The following ITIH4 variants were observed in gnomAD, a reference collection of about 807,000 sequenced individuals.
ITIH4 encodes inter-alpha-trypsin inhibitor heavy chain H4.
Under a neutral mutation model 111.8 loss-of-function variants are expected in ITIH4, and 79 were observed. The ratio of observed to expected loss-of-function variants is 0.71; its 90% CI spans 0.59 to 0.85. ITIH4 has a LOEUF of 0.85. ITIH4 is among the 40% of genes least tolerant of loss of function. The pLI, the probability that ITIH4 is intolerant of heterozygous loss-of-function variation, is 0.00. For synonymous variants in ITIH4, 472 were observed against 468.3 expected (o/e 1.01, Z -0.10); for missense variants, 1,065 against 1,195.8 (o/e 0.89, Z 1.61).
chr3:52,828,602 G>C (rs1358804884), intron 2 of ITIH4, among the ~76,000 whole-genome samples: 1 of 152,190 alleles, frequency 6.6e-6, no homozygotes, highest in Non-Finnish European at 1.5e-5. Flanking sequence ...AGAGGACAAA[G>C]TGAGGACCAT....
rs1274649574 is a variant in ITIH4, at chr3:52,823,958, T to A, written c.1218A>T (p.Val406=). ...RSIQNNVREA[V]SGRYSLFCLG... is the part of the protein sequence containing the mutation. ...GGCAGAAGAGGCTGTACCGGCCACT[T>A]ACAGCTTCCCGCACGTTATTCTGGA... is the stretch of plus-strand genomic sequence containing the variant. Residue 406 remains valine (V), a synonymous_variant, in exon 10 of 24, where the codon GTA becomes GTT. Transcript: ENST00000266041. The A allele has an allele frequency of 3.1e-6, 5 of 1,594,038 alleles. No homozygotes were observed. In the East Asian group the frequency reaches 1.1e-4, roughly 36 times the overall value.
In ITIH4 at chr3:52,818,049, C is replaced by A; in HGVS notation, c.2296+3G>T. 6.2e-7 allele frequency: 1 copy of A among 1,610,162 alleles called. No homozygotes were observed. The highest frequency in any genetic ancestry group is 1.1e-5 in the South Asian group (1 of 90,946). On this transcript the variant is annotated splice_donor_region_variant and intron_variant, in intron 20 of 23. Transcript: ENST00000266041. ...TGGGTCTCTCTGGGTGTGCCTCTCT[C>A]ACCTTGCTCAGGGTCTGAGAGCAGG... is the stretch of plus-strand genomic sequence containing the variant.
chr3:52,827,420 G>GTC (rs1235667064), intron 2 of ITIH4, among the ~76,000 whole-genome samples: 9 of 152,250 alleles, frequency 5.9e-5, no homozygotes, highest in Non-Finnish European at 1.2e-4. Context: ...GGTGTGTACA[G>GTC]TAACAGTAAG....
chr3:52,817,728 G>A (rs561428056), intron 20 of ITIH4, among the ~76,000 whole-genome samples: 1 of 152,254 alleles, frequency 6.6e-6, no homozygotes, highest in East Asian at 1.9e-4. Context: ...CTGTGCACCC[G>A]CCATGGCCCT....
At chr3:52,825,843 A>G (rs201262066) in intron 6 of ITIH4, 43 bp downstream of exon 6, 1 of 1,586,050 alleles carries the variant, frequency 6.3e-7, no homozygotes, top group East Asian at 2.3e-5. Flanking sequence ...TTGGGGGTGG[A>G]CAGACTTCTA....
At chr3:52,827,427 T>TA (rs1198663742) in intron 2 of ITIH4, among the ~76,000 whole-genome samples, 9 of 152,210 alleles carry the variant, frequency 5.9e-5, no homozygotes, top group Non-Finnish European at 1.3e-4. Context: ...ACAGTAACAG[T>TA]AAGCATTCAT....
chr3:52,823,438 T>C (rs1700421719), intron 11 of ITIH4, 118 bp downstream of exon 11: 1 of 776,814 alleles, frequency 1.3e-6, no homozygotes, highest in East Asian at 2.7e-5. Flanking sequence ...CCCTGTGTCA[T>C]CCACAGGCAG....
intron 20 of ITIH4, 98 bp downstream of exon 20, chr3:52,817,954 T>C: frequency 1.1e-6 from 1 of 909,676 alleles, no homozygotes; most frequent in South Asian, 1.4e-5. Context: ...GGGAGGGGCC[T>C]GTGTGGGGCC....
intron 1 of ITIH4, 25 bp downstream of exon 1, chr3:52,830,528 C>A: frequency 6.2e-7 from 1 of 1,606,684 alleles, no homozygotes; most frequent in Non-Finnish European, 8.5e-7. Context: ...CCCCAGCTCA[C>A]GCCACACCCA....
Position 52,819,460 on chromosome 3 carries a change from A to G in ITIH4, c.2010T>C (p.Leu670=), listed in dbSNP as rs759101949. 6.2e-7 allele frequency: 1 copy of G among 1,614,120 alleles called. No individual in the cohort carries two copies. Among genetic ancestry groups the G allele is most frequent in the South Asian group, 1.1e-5 (1 of 91,074 alleles). ...GAACATCAGGAGGTCCTGGGAGTCC[A>G]AGTTGCCTGGAGCTGAGAACCCCAG... ...FRPGVLSSRQ[L]GLPGPPDVPD... The change falls in exon 17 of 24, where the codon CTT becomes CTC. Residue 670 remains leucine, a synonymous_variant. Transcript: ENST00000266041.
At position 52,819,922 on chromosome 3, in the gene ITIH4, C is replaced by T. The variant is rs78150596; in HGVS notation, c.1912+18G>A. On this transcript the variant is annotated intron_variant, in intron 15 of 23. Transcript: ENST00000266041. ...CCAATCTGTCAATCTCCCCTCCCCCCACCTCCTACTTTGTCACCTGGTTTT... is the reference window on the plus strand; with the variant it reads ...CCAATCTGTCAATCTCCCCTCCCCCTACCTCCTACTTTGTCACCTGGTTTT... 4.3e-6 allele frequency: 7 copies of T among 1,612,946 alleles called. No individual in the cohort carries two copies. Among genetic ancestry groups the T allele is most frequent in the Admixed American group, 3.3e-5 (2 of 60,028 alleles).
In ITIH4 at chr3:52,824,325, A is replaced by C. The variant is rs776892901; in HGVS notation, c.1046-10T>G. On this transcript the variant is annotated splice_polypyrimidine_tract_variant and intron_variant, in intron 8 of 23. Transcript: ENST00000266041. This position sits in a 1 kb window ranked among gnomAD's most constrained non-coding sequence, Gnocchi z 4.3. ...TCATTGATGTTGGTCCCTGAGGAAC[A>C]CGCACTCTCAAGGTGGTCCCCAGCC... The C allele has an allele frequency of 1.2e-6, 2 of 1,612,466 alleles. No individual in the cohort carries two copies.
intron 13 of ITIH4, 153 bp from the exon 14 acceptor site, chr3:52,820,470 G>T: frequency 8.6e-7 from 1 of 1,157,552 alleles, no homozygotes; most frequent in Non-Finnish European, 1.2e-6. Flanking sequence ...GGAGACAGGA[G>T]ACCCGGCTTC....
intron 2 of ITIH4, among the ~76,000 whole-genome samples, chr3:52,827,926 ACTTC>A (rs1700511268): frequency 6.6e-6 from 1 of 152,176 alleles, no homozygotes; most frequent in Non-Finnish European, 1.5e-5. Flanking sequence ...TGCCTGGTCA[ACTTC>A]ATGTGGTAGT....
chr3:52,826,080 C>T (rs1559481937), intron 5 of ITIH4, 66 bp from the exon 6 acceptor site: 6 of 1,597,108 alleles, frequency 3.8e-6, no homozygotes, highest in Middle Eastern at 1.7e-4. Flanking sequence ...ACCCTCTACC[C>T]CTGTCTGTAT....
At chr3:52,820,373 C>T (rs1041922264) in intron 13 of ITIH4, 56 bp from the exon 14 acceptor site, 27 of 1,575,096 alleles carry the variant, frequency 1.7e-5, no homozygotes, top group Middle Eastern at 1.7e-4. Flanking sequence ...AGACAGACAC[C>T]GTCAGGGTGG....
intron 2 of ITIH4, among the ~76,000 whole-genome samples, chr3:52,827,855 G>C (rs1264894541): frequency 6.6e-6 from 1 of 152,250 alleles, no homozygotes; most frequent in Non-Finnish European, 1.5e-5. Context: ...GAATGGCCCA[G>C]GCCATTTCTC....
intron 11 of ITIH4, chr3:52,822,442 C>T (rs562955125): frequency 6.6e-6 from 1 of 152,346 alleles, no homozygotes; most frequent in South Asian, 2.1e-4. Context: ...CCATGTCTGT[C>T]TGTGAACTCC....
rs572405190 is a variant in ITIH4 at position 52,824,202 on chromosome 3, C to T, written c.1159G>A (p.Asp387Asn). 15 of 1,613,130 alleles carry T rather than the reference C, an allele frequency of 9.3e-6. No homozygotes were observed. Among genetic ancestry groups the T allele is most frequent in the African/African-American group, 4.0e-5 (3 of 74,934 alleles). The change falls in exon 9 of 24, where the codon GAC becomes AAC. Residue 387 changes from aspartate (D) to asparagine (N), a missense_variant. By Grantham distance (23) the Asp-to-Asn change is conservative. Coordinates refer to ENST00000266041, the MANE Select transcript of ITIH4 (RefSeq NM_002218.5). This position sits in a 1 kb window ranked among gnomAD's most constrained non-coding sequence, Gnocchi z 4.3. The stretch of plus-strand genomic sequence containing the variant: ...GCAGGGCCCTCACCCACAGTGGGGT[C>T]GCCATCGGTGAGCAGGATGATGAGT... ...VSLIILLTDGDPTVGETNPRS... is the reference protein window; with the variant it reads ...VSLIILLTDGNPTVGETNPRS...
Sources: gnomAD v4.1 joint callset for allele counts (sites outside exome capture counted in the v4.1 genomes callset) on GRCh38, gnomAD v4.1.1 for gene constraint, Gnocchi (gnomAD v3.1) non-coding constraint, MANE v1.5 for transcripts, NCBI Gene and HGNC (gene_info 2026-07-23, HGNC 2026-07-21) for gene names.